The following RNF2 variants were observed in gnomAD, a reference collection of about 807,000 sequenced individuals.
RNF2 encodes E3 ubiquitin-protein ligase RING2.
In RNF2, 6 loss-of-function variants were observed where a neutral mutation model predicts 37.2. The ratio of observed to expected loss-of-function variants is 0.16; its 90% CI spans 0.09 to 0.32. RNF2 has a LOEUF of 0.32. Among genes scored for constraint, RNF2 ranks in the 10% least tolerant of loss-of-function variants. The pLI is 1.00. For missense variants in RNF2, 251 were observed against 404.0 expected (o/e 0.62, Z 3.25); for synonymous variants, 133 against 132.7 (o/e 1.00, Z -0.02).
intron 1 of RNF2, among the ~76,000 whole-genome samples, chr1:185,087,318 C>A (rs1249202176): frequency 6.6e-6 from 1 of 152,114 alleles, no homozygotes; most frequent in Non-Finnish European, 1.5e-5. Context: ...TTCTCTGTGT[C>A]AGAACATGCT....
At position 185,098,284 on chromosome 1, in the gene RNF2, T is replaced by C. The variant is rs759270448; in HGVS notation, c.677T>C (p.Ile226Thr). ...IDPVMDGASE[I>T]ELVFRPHPTL... ...CCAGTAATGGATGGTGCTAGTGAAA[T>C]TGAATTAGTATTCAGGCCTCATCCC... Residue 226 changes from isoleucine to threonine, a missense_variant, in exon 5 of 7, where the codon ATT (isoleucine) becomes ACT (threonine). This residue lies in a region of RNF2 where 94 missense variants were observed against 99.2 expected (regional missense o/e 0.95). Transcript: ENST00000367510. 1.2e-6 allele frequency: 2 copies of C among 1,614,088 alleles called. No individual in the cohort carries two copies. Among genetic ancestry groups the C allele is most frequent in the Non-Finnish European group, 1.7e-6 (2 of 1,180,028 alleles).
intron 1 of RNF2, among the ~76,000 whole-genome samples, chr1:185,054,094 G>A (rs1235444740): frequency 6.6e-6 from 1 of 152,006 alleles, no homozygotes; most frequent in Non-Finnish European, 1.5e-5. Context: ...TATAACTAGT[G>A]TCTAGAAGTG....
intron 1 of RNF2, among the ~76,000 whole-genome samples, chr1:185,061,162 C>G (rs1650590079): frequency 6.9e-6 from 1 of 144,700 alleles, no homozygotes; most frequent in Admixed American, 7.0e-5. Flanking sequence ...GAATCTCGCT[C>G]TGACGCCCAG....
At chr1:185,068,126 C>T (rs995668830) in intron 1 of RNF2, among the ~76,000 whole-genome samples, 5 of 152,114 alleles carry the variant, frequency 3.3e-5, no homozygotes, top group Non-Finnish European at 7.4e-5. Context: ...GCCTCAGCCT[C>T]CTGTAAAGTG....
At chr1:185,099,691 TTTAC>T in intron 5 of RNF2, 96 bp from the exon 6 acceptor site, 1 of 963,012 alleles carries the variant, frequency 1.0e-6, no homozygotes, top group South Asian at 1.6e-5. Context: ...ACATTGCCAT[TTTAC>T]TTAGTTTTTA....
intron 1 of RNF2, among the ~76,000 whole-genome samples, chr1:185,051,003 TTGA>T (rs1650254130): frequency 6.6e-6 from 1 of 152,232 alleles, no homozygotes. Context: ...CCTTCCTGTA[TTGA>T]TGACCACTAC....
At chr1:185,092,982 A>C in intron 3 of RNF2, 79 bp from the exon 4 acceptor site, 1 of 1,187,804 alleles carries the variant, frequency 8.4e-7, no homozygotes, top group Non-Finnish European at 1.2e-6. Flanking sequence ...GTGAATAACT[A>C]TCCAGAAGCT....
intron 1 of RNF2, among the ~76,000 whole-genome samples, chr1:185,048,321 G>C (rs1457241419): frequency 6.6e-6 from 1 of 152,114 alleles, no homozygotes; most frequent in Non-Finnish European, 1.5e-5. Context: ...ATTCTCCTTT[G>C]CTTTACGGTT....
intron 2 of RNF2, among the ~76,000 whole-genome samples, chr1:185,088,474 T>G (rs972752621): frequency 6.6e-6 from 1 of 151,688 alleles, no homozygotes; most frequent in Admixed American, 6.6e-5. Context: ...GAGAATCACT[T>G]GAACCTGGGA....
chr1:185,079,375 T>C (rs1228047135), intron 1 of RNF2, among the ~76,000 whole-genome samples: 3 of 152,160 alleles, frequency 2.0e-5, no homozygotes, highest in Admixed American at 6.5e-5. Flanking sequence ...TTATCCTAAG[T>C]GCCACATAAT....
At chr1:185,076,830 C>G (rs1324112187) in intron 1 of RNF2, among the ~76,000 whole-genome samples, 1 of 151,808 alleles carries the variant, frequency 6.6e-6, no homozygotes, top group Non-Finnish European at 1.5e-5. Flanking sequence ...AAGGTAAACT[C>G]TCTCCTGTTT....
chr1:185,069,905 A>G (rs1046846620), intron 1 of RNF2, among the ~76,000 whole-genome samples: 1 of 152,196 alleles, frequency 6.6e-6, no homozygotes, highest in Non-Finnish European at 1.5e-5. Context: ...TTTGTTCGTT[A>G]TAGAATAAGT....
intron 1 of RNF2, among the ~76,000 whole-genome samples, chr1:185,061,507 C>T (rs1033616436): frequency 6.6e-6 from 1 of 151,878 alleles, no homozygotes; most frequent in African/African-American, 2.4e-5. Flanking sequence ...TAGAGGAAAA[C>T]GATAGCTAGC....
intron 1 of RNF2, among the ~76,000 whole-genome samples, chr1:185,076,256 C>CT (rs1651149106): frequency 2.6e-5 from 1 of 38,198 alleles, no homozygotes; most frequent in Admixed American, 2.4e-4. Context: ...TCTTCTAGAT[C>CT]TTTTATGGGT....
intron 1 of RNF2, among the ~76,000 whole-genome samples, chr1:185,059,431 G>T (rs928073803): frequency 6.6e-6 from 1 of 152,202 alleles, no homozygotes; most frequent in African/African-American, 2.4e-5. Context: ...AAAAAGTACC[G>T]AGTCCATATC....
chr1:185,054,319 G>A (rs1650364162), intron 1 of RNF2, among the ~76,000 whole-genome samples: 1 of 152,170 alleles, frequency 6.6e-6, no homozygotes, highest in African/African-American at 2.4e-5. Context: ...CTTAAGTTCA[G>A]AACTGTTCAC....
intron 1 of RNF2, among the ~76,000 whole-genome samples, chr1:185,063,104 T>G (rs918478672): frequency 3.3e-5 from 5 of 152,240 alleles, no homozygotes; most frequent in Non-Finnish European, 7.3e-5. Context: ...ACTGTTAAAG[T>G]TAGCAAAATA....
chr1:185,064,434 G>C (rs1270688698), intron 1 of RNF2, among the ~76,000 whole-genome samples: 1 of 152,186 alleles, frequency 6.6e-6, no homozygotes, highest in East Asian at 1.9e-4. Context: ...CCAATTTACA[G>C]TGGTTCGACT....
At chr1:185,091,483 ATGTT>A in intron 2 of RNF2, 92 bp from the exon 3 acceptor site, 2 of 1,244,870 alleles carry the variant, frequency 1.6e-6, no homozygotes, top group Non-Finnish European at 2.3e-6. Context: ...GGGTACATAT[ATGTT>A]TGTTTTTACC....
Sources: gnomAD v4.1 joint callset for allele counts (sites outside exome capture counted in the v4.1 genomes callset) on GRCh38, gnomAD v4.1.1 for gene constraint, gnomAD v4.1.1 regional missense constraint, MANE v1.5 for transcripts, NCBI Gene and HGNC (gene_info 2026-07-23, HGNC 2026-07-21) for gene names.